Variants in RGS17 observed in about 807,000 individuals in gnomAD.
RGS17 encodes regulator of G-protein signaling 17.
RGS17 carries 12 observed loss-of-function variants against 25.5 expected under a neutral mutation model. The ratio of observed to expected loss-of-function variants is 0.47; its 90% CI spans 0.30 to 0.76. The LOEUF (loss-of-function observed/expected upper bound fraction) is 0.76. Among genes scored for constraint, RGS17 ranks in the 30% least tolerant of loss-of-function variants. RGS17 has a pLI of 0.07. For missense variants in RGS17, 196 were observed against 242.2 expected, an observed-to-expected ratio of 0.81 and a Z score of 1.27; for synonymous variants, 71 against 76.9, an observed-to-expected ratio of 0.92 and a Z score of 0.40.
intron 1 of RGS17, among the ~76,000 whole-genome samples, chr6:153,098,597 T>C (rs984251212): frequency 2.6e-5 from 4 of 152,146 alleles, no homozygotes; most frequent in African/African-American, 9.7e-5. Context: ...CTGTGCTACT[T>C]TGCTTCTCTC....
chr6:153,081,498 G>A (rs981604459), intron 1 of RGS17, among the ~76,000 whole-genome samples: 1 of 148,734 alleles, frequency 6.7e-6, no homozygotes, highest in Non-Finnish European at 1.5e-5. Context: ...CATGTATATG[G>A]TTGGGTCTTG....
intron 1 of RGS17, among the ~76,000 whole-genome samples, chr6:153,051,559 G>C (rs999380026): frequency 1.3e-5 from 2 of 152,112 alleles, no homozygotes; most frequent in African/African-American, 4.8e-5. Context: ...CAACAACTTG[G>C]GTGAATTGTG....
At chr6:153,035,153 CAA>C (rs55877870) in intron 2 of RGS17, among the ~76,000 whole-genome samples, 1 of 146,808 alleles carries the variant, frequency 6.8e-6, no homozygotes, top group African/African-American at 2.5e-5. Context: ...GACTCTCTCA[CAA>C]AAAAAAAAAA....
At chr6:153,038,554 T>C (rs1375387483) in intron 2 of RGS17, among the ~76,000 whole-genome samples, 1 of 152,228 alleles carries the variant, frequency 6.6e-6, no homozygotes, top group Non-Finnish European at 1.5e-5. Flanking sequence ...GAATAACGTA[T>C]TCTGCCATGT....
chr6:153,043,665 C>T (rs565207883), intron 2 of RGS17, among the ~76,000 whole-genome samples: 1 of 152,136 alleles, frequency 6.6e-6, no homozygotes, highest in East Asian at 1.9e-4. Flanking sequence ...TAAAACACCT[C>T]TTCATTTTTT....
intron 1 of RGS17, among the ~76,000 whole-genome samples, chr6:153,046,597 T>C (rs1481786716): frequency 1.3e-5 from 2 of 151,758 alleles, no homozygotes; most frequent in Middle Eastern, 3.4e-3. Flanking sequence ...CAAACACAAA[T>C]AGCTATTAAA....
At chr6:153,046,300 T>A (rs1776383607) in intron 1 of RGS17, among the ~76,000 whole-genome samples, 1 of 144,678 alleles carries the variant, frequency 6.9e-6, no homozygotes, top group Non-Finnish European at 1.6e-5. Flanking sequence ...ATGACTAAAG[T>A]TAACAATAAT....
At chr6:153,112,276 A>C (rs1777481946) in intron 1 of RGS17, among the ~76,000 whole-genome samples, 1 of 152,236 alleles carries the variant, frequency 6.6e-6, no homozygotes, top group Non-Finnish European at 1.5e-5. Context: ...ATTGTGAAGC[A>C]TACACAAGAA....
intron 1 of RGS17, among the ~76,000 whole-genome samples, chr6:153,090,264 T>G (rs1180486451): frequency 2.1e-4 from 32 of 151,960 alleles, no homozygotes; most frequent in Admixed American, 2.1e-3. Flanking sequence ...TAACTGTGGT[T>G]TGGCTTTCTG....
intron 1 of RGS17, among the ~76,000 whole-genome samples, chr6:153,088,279 A>G (rs1212687823): frequency 6.6e-6 from 1 of 152,160 alleles, no homozygotes; most frequent in Non-Finnish European, 1.5e-5. Flanking sequence ...TCAATTCCTG[A>G]CCCATAGGAA....
intron 1 of RGS17, among the ~76,000 whole-genome samples, chr6:153,047,487 T>C (rs1776400214): frequency 6.6e-6 from 1 of 152,226 alleles, no homozygotes; most frequent in Non-Finnish European, 1.5e-5. Context: ...CATTTTACAC[T>C]ACAATGGACA....
chr6:153,052,500 T>C (rs1776475280), intron 1 of RGS17, among the ~76,000 whole-genome samples: 1 of 152,006 alleles, frequency 6.6e-6, no homozygotes, highest in Admixed American at 6.5e-5. Flanking sequence ...TTTTTTGCCA[T>C]TAAAAGTAGC....
At chr6:153,074,813 T>TACTG (rs577145883) in intron 1 of RGS17, among the ~76,000 whole-genome samples, 63 of 152,324 alleles carry the variant, frequency 4.1e-4, no homozygotes, top group African/African-American at 1.3e-3. Context: ...ACAGATTATT[T>TACTG]ACTGACTGAC....
Position 153,010,896 on chromosome 6 carries a change from T to A in RGS17, c.*678A>T, listed in dbSNP as rs1584115822. Reference sequence around the variant, plus strand: ...TTTCCTTCTTCCCTTTTTTTTTTTTTTTGTTTTTTGCTTTTAGCATAGTAA... The same window carrying A: ...TTTCCTTCTTCCCTTTTTTTTTTTTATTGTTTTTTGCTTTTAGCATAGTAA... On this transcript the variant is annotated 3_prime_UTR_variant, in exon 5 of 5. Transcript: ENST00000206262. 1 of 151,096 alleles carries A rather than the reference T, an allele frequency of 6.6e-6. No individual in the cohort carries two copies. Among genetic ancestry groups the A allele is most frequent in the African/African-American group, 2.4e-5 (1 of 40,980 alleles). The allele number at this position is 151,096 out of a possible 1,614,324, so 9.4% of individuals were successfully genotyped here. A position where few individuals can be genotyped will look rare whatever the true frequency, so the allele number is the denominator to read the frequency against.
At chr6:153,053,692 C>T (rs1274347851) in intron 1 of RGS17, among the ~76,000 whole-genome samples, 1 of 151,120 alleles carries the variant, frequency 6.6e-6, no homozygotes, top group Non-Finnish European at 1.5e-5. Context: ...ACTTGGGAAG[C>T]TGAGGTAGGA....
intron 1 of RGS17, among the ~76,000 whole-genome samples, chr6:153,054,090 TTTTATA>T (rs1195867941): frequency 5.0e-4 from 4 of 8,026 alleles, no homozygotes; most frequent in Non-Finnish European, 6.3e-4. Flanking sequence ...ACACAATATT[TTTTATA>T]TATATATATA....
intron 1 of RGS17, among the ~76,000 whole-genome samples, chr6:153,067,363 A>G (rs1776725464): frequency 1.3e-5 from 2 of 152,168 alleles, no homozygotes; most frequent in Non-Finnish European, 2.9e-5. Context: ...GAAAGGAAGA[A>G]GTCAAATTTT....
Position 153,099,018 on chromosome 6 carries a change from T to C in RGS17, c.-26+32106A>G, listed in dbSNP as rs528913621. ...CATGGTTGTATCTCTTGTCCCCCCG[T>C]CCAAAAAAAATGTTTCCAGTGCCCC... On this transcript the variant is annotated intron_variant, in intron 1 of 4. Coordinates refer to ENST00000206262, the MANE Select transcript of RGS17 (RefSeq NM_012419.5). Among the ~76,000 whole-genome samples the C allele has an allele frequency of 4.0e-5, 6 of 151,826 alleles. No individual in the cohort carries two copies. In the East Asian group the frequency reaches 7.8e-4, roughly 20 times the overall value.
intron 1 of RGS17, among the ~76,000 whole-genome samples, chr6:153,081,804 A>G (rs1776987474): frequency 6.6e-6 from 1 of 152,196 alleles, no homozygotes; most frequent in Non-Finnish European, 1.5e-5. Context: ...GAAAGAAAGT[A>G]TTTCATGTTT....
Sources: gnomAD v4.1 joint callset for allele counts (sites outside exome capture counted in the v4.1 genomes callset) on GRCh38, gnomAD v4.1.1 for gene constraint, MANE v1.5 for transcripts, NCBI Gene and HGNC (gene_info 2026-07-23, HGNC 2026-07-21) for gene names.